The following CCDC85C variants were observed in gnomAD, a reference collection of about 807,000 sequenced individuals.
CCDC85C encodes coiled-coil domain containing 85C.
In CCDC85C, 18 loss-of-function variants were observed where a neutral mutation model predicts 38.3. That is an observed-to-expected ratio of 0.47 (90% CI 0.33 to 0.70). CCDC85C has a LOEUF of 0.70. Among genes scored for constraint, CCDC85C ranks in the 30% least tolerant of loss-of-function variants. CCDC85C has a pLI of 0.03. For missense variants in CCDC85C, 566 were observed against 621.2 expected, an observed-to-expected ratio of 0.91 and a Z score of 0.94; for synonymous variants, 264 against 293.8, an observed-to-expected ratio of 0.90 and a Z score of 1.04.
chr14:99,565,708 C>T (rs1898203102), intron 1 of CCDC85C, among the ~76,000 whole-genome samples: 1 of 152,176 alleles, frequency 6.6e-6, no homozygotes, highest in Non-Finnish European at 1.5e-5. Context: ...CCGGCCCCCA[C>T]CCCACCTGCC....
At position 99,507,058 on chromosome 14, in the gene CCDC85C, T is replaced by C. The variant is rs1745766401; in HGVS notation, c.*8188A>G. ...TGAAGAAGTATGAGTGGTTTTCTAA[T>C]CTGCTTTTTCTTTGTAGAACCACCA... On this transcript the variant is annotated 3_prime_UTR_variant, in exon 6 of 6. Transcript: ENST00000380243. 2.0e-6 allele frequency: 3 copies of C among 1,529,880 alleles called. No individual in the cohort carries two copies. In the East Asian group the frequency reaches 6.7e-5, roughly 34 times the overall value. The allele number at this position is 1,529,880 out of a possible 1,614,324, so 94.8% of individuals were successfully genotyped here. A position where few individuals can be genotyped will look rare whatever the true frequency, so the allele number is the denominator to read the frequency against.
At chr14:99,517,918 A>G (rs946332393) in intron 3 of CCDC85C, among the ~76,000 whole-genome samples, 1 of 152,204 alleles carries the variant, frequency 6.6e-6, no homozygotes, top group Non-Finnish European at 1.5e-5. Context: ...AGATGCTGGG[A>G]GAGGCTTGGG....
At chr14:99,596,344 T>C (rs1483618888) in intron 1 of CCDC85C, among the ~76,000 whole-genome samples, 1 of 152,190 alleles carries the variant, frequency 6.6e-6, no homozygotes, top group African/African-American at 2.4e-5. Flanking sequence ...GTCTCTGCCG[T>C]TGAGGAATCA....
At chr14:99,539,419 G>C (rs142793149) in intron 1 of CCDC85C, among the ~76,000 whole-genome samples, 2 of 141,704 alleles carry the variant, frequency 1.4e-5, no homozygotes, top group African/African-American at 5.3e-5. Context: ...GCAGTGAGCC[G>C]AGATCACACA....
intron 1 of CCDC85C, among the ~76,000 whole-genome samples, chr14:99,590,761 G>T (rs914853825): frequency 3.3e-5 from 5 of 152,190 alleles, no homozygotes; most frequent in Non-Finnish European, 7.3e-5. Flanking sequence ...TCTGACCCAG[G>T]TCCAGTCTCC....
At chr14:99,552,371 G>A (rs1214604753) in intron 1 of CCDC85C, among the ~76,000 whole-genome samples, 1 of 152,356 alleles carries the variant, frequency 6.6e-6, no homozygotes, top group Admixed American at 6.5e-5. Context: ...GGCAGGACCA[G>A]GCCCTTGCAG....
intron 1 of CCDC85C, among the ~76,000 whole-genome samples, chr14:99,562,827 A>G (rs1197482035): frequency 6.6e-6 from 1 of 152,018 alleles, no homozygotes; most frequent in Non-Finnish European, 1.5e-5. Context: ...ACATCCACAC[A>G]CAAGTGCATA....
Position 99,502,412 on chromosome 14 carries a change from C to A in CCDC85C, c.*12834G>T. The A allele has an allele frequency of 1.2e-6, 2 of 1,601,720 alleles. No individual in the cohort carries two copies. The highest frequency in any genetic ancestry group is 2.2e-5 in the South Asian group (2 of 88,942). ...TGCTAAGCGTTCTCGTGAGGGTGTT[C>A]CATGTTGAGATGATTCTTCCATGTG... On this transcript the variant is annotated 3_prime_UTR_variant, in exon 6 of 6. Coordinates refer to ENST00000380243, the MANE Select transcript of CCDC85C (RefSeq NM_001144995.2).
chr14:99,576,081 G>C lies in CCDC85C; in HGVS notation c.793+27086C>G, dbSNP rs1161245678. 6.6e-6 allele frequency among the ~76,000 whole-genome samples: 1 copy of C among 152,154 alleles called. No individual in the cohort carries two copies. Among genetic ancestry groups the C allele is most frequent in the East Asian group, 1.9e-4 (1 of 5,196 alleles). ...CACCGATCTGTGCCCGTCTAATGAG[G>C]GTGGCTCACACTAATGGCCACATCT... On this transcript the variant is annotated intron_variant, in intron 1 of 5. Transcript: ENST00000380243. This position sits in a 1 kb window ranked among gnomAD's most constrained non-coding sequence, Gnocchi z 4.8.
intron 1 of CCDC85C, among the ~76,000 whole-genome samples, chr14:99,562,804 C>T (rs1017995359): frequency 8.5e-5 from 13 of 152,090 alleles, no homozygotes; most frequent in Non-Finnish European, 1.8e-4. Flanking sequence ...CACACAAAGG[C>T]ACGCTCCCAG....
intron 1 of CCDC85C, among the ~76,000 whole-genome samples, chr14:99,562,734 C>T (rs544076163): frequency 1.4e-5 from 2 of 142,434 alleles, no homozygotes; most frequent in Non-Finnish European, 3.0e-5. Flanking sequence ...GCACACCTCA[C>T]CCTCACACAC....
intron 1 of CCDC85C, among the ~76,000 whole-genome samples, chr14:99,593,912 G>A (rs1343449745): frequency 6.6e-6 from 1 of 151,276 alleles, no homozygotes; most frequent in Non-Finnish European, 1.5e-5. Flanking sequence ...CCACAATTAG[G>A]AACCACTGGT....
rs542603342 is a variant in CCDC85C, at chr14:99,551,761, G to A, written c.794-15673C>T. On this transcript the variant is annotated intron_variant, in intron 1 of 5. Transcript: ENST00000380243. ...GGTGAGTGAGCAAGTGAGTAAGCAT[G>A]CAGCAGGCAGGTGAGTGCAGGCTGA... 2.6e-5 allele frequency among the ~76,000 whole-genome samples: 4 copies of A among 152,118 alleles called. No individual in the cohort carries two copies. In the East Asian group the frequency reaches 7.7e-4, roughly 29 times the overall value.
At chr14:99,602,899 A>G (rs1375948294) in intron 1 of CCDC85C, among the ~76,000 whole-genome samples, 1 of 152,138 alleles carries the variant, frequency 6.6e-6, no homozygotes, top group African/African-American at 2.4e-5. Flanking sequence ...TTTGGCAACT[A>G]CACCCGCTAG....
chr14:99,554,032 T>TCTTGCTCTCAGA (rs1897964951), intron 1 of CCDC85C, among the ~76,000 whole-genome samples: 1 of 152,156 alleles, frequency 6.6e-6, no homozygotes, highest in Non-Finnish European at 1.5e-5. Flanking sequence ...CTCTCAGAGC[T>TCTTGCTCTCAGA]GCTGCAGACC....
Position 99,525,235 on chromosome 14 carries a change from A to G in CCDC85C, c.868-2995T>C, listed in dbSNP as rs114090407. Among the ~76,000 whole-genome samples the G allele has an allele frequency of 4.8e-3, 728 of 152,314 alleles. 3 individuals are homozygous for G. The highest frequency in any genetic ancestry group is 0.016 in the African/African-American group (678 of 41,576). On this transcript the variant is annotated intron_variant, in intron 2 of 5. Transcript: ENST00000380243. ...GCTGGGTGAACTCCAGTTGTTCCCC[A>G]GCCCTTTCTGGGCCTCTGCAGTGCG...
Position 99,603,234 on chromosome 14 carries a change from G to A in CCDC85C, c.726C>T (p.Ala242=). ...ACAAGTCGTCCAGGGACCGACGTGT[G>A]GCTCCTGCCTTGCCGTCGGGGGCCT... The part of the protein sequence containing the change: ...PHKAPDGKAG[A]TRRSLDDLSA... The change falls in exon 1 of 6, where the codon GCC becomes GCT. Residue 242 remains alanine, a synonymous_variant. Transcript: ENST00000380243. The surrounding 1 kb of genome is among the most constrained non-coding windows in gnomAD (Gnocchi z 7.5). The A allele has an allele frequency of 7.1e-7, 1 of 1,410,596 alleles. No homozygotes were observed. The highest frequency in any genetic ancestry group is 9.2e-7 in the Non-Finnish European group (1 of 1,086,772). The allele number at this position is 1,410,596 out of a possible 1,614,324, so 87.4% of individuals were successfully genotyped here.
rs201348610 is a variant in CCDC85C, at chr14:99,583,427, G to A, written c.793+19740C>T. On this transcript the variant is annotated intron_variant, in intron 1 of 5. Coordinates refer to ENST00000380243, the MANE Select transcript of CCDC85C (RefSeq NM_001144995.2). ...GCTGAGGCAGGAGAATCACTTGAAC[G>A]TGGGAGGCGGAGGTTACAATGAGCC... is the stretch of plus-strand genomic sequence containing the variant. Among the ~76,000 whole-genome samples, 24 of 150,600 alleles carry A rather than the reference G, an allele frequency of 1.6e-4. 1 individual carries two copies. In the South Asian group the frequency reaches 2.7e-3, roughly 17 times the overall value.
At chr14:99,593,973 G>T (rs183489416) in intron 1 of CCDC85C, among the ~76,000 whole-genome samples, 3 of 150,964 alleles carry the variant, frequency 2.0e-5, no homozygotes, top group Non-Finnish European at 2.9e-5. Context: ...AATGGGGAAG[G>T]TGGGGTTGTG....
Sources: allele counts gnomAD v4.1 joint callset (sites outside exome capture counted in the v4.1 genomes callset), GRCh38; gene constraint gnomAD v4.1.1; non-coding constraint Gnocchi (gnomAD v3.1); transcripts MANE v1.5; gene names NCBI Gene and HGNC (gene_info 2026-07-23, HGNC 2026-07-21).